The following KLHL1 variants were observed in gnomAD, a reference collection of about 807,000 sequenced individuals.
The protein encoded by KLHL1 is kelch like family member 1.
In KLHL1, 47 loss-of-function variants were observed where a neutral mutation model predicts 77.7. The observed-to-expected ratio is 0.60, with a 90% CI of 0.48 to 0.77. KLHL1 has a LOEUF of 0.77. Among genes scored for constraint, KLHL1 ranks in the 30% least tolerant of loss-of-function variants. KLHL1 has a pLI of 0.00. For synonymous variants in KLHL1, 360 were observed against 325.2 expected, an observed-to-expected ratio of 1.11 and a Z score of -1.15; for missense variants, 925 against 910.8, an observed-to-expected ratio of 1.02 and a Z score of -0.20.
At chr13:69,865,964 T>C (rs1880351933) in intron 5 of KLHL1, among the ~76,000 whole-genome samples, 1 of 152,156 alleles carries the variant, frequency 6.6e-6, no homozygotes, top group Non-Finnish European at 1.5e-5. Context: ...GAATGTATAT[T>C]GCCATGAGGT....
intron 5 of KLHL1, among the ~76,000 whole-genome samples, chr13:69,850,531 T>C (rs1879644501): frequency 6.6e-6 from 1 of 151,516 alleles, no homozygotes; most frequent in African/African-American, 2.4e-5. Flanking sequence ...TGAAACTGTC[T>C]ACGACCCTTC....
chr13:70,020,493 G>A (rs1885761384), intron 1 of KLHL1, among the ~76,000 whole-genome samples: 1 of 152,078 alleles, frequency 6.6e-6, no homozygotes, highest in Non-Finnish European at 1.5e-5. Context: ...CATGTTAGGA[G>A]TTAAGCATTT....
At chr13:69,744,943 T>G (rs1874143122) in intron 7 of KLHL1, among the ~76,000 whole-genome samples, 1 of 152,074 alleles carries the variant, frequency 6.6e-6, no homozygotes, top group Non-Finnish European at 1.5e-5. Flanking sequence ...TACACTTTCT[T>G]GATGTACATA....
At chr13:69,793,891 G>C (rs1876983880) in intron 7 of KLHL1, among the ~76,000 whole-genome samples, 1 of 152,082 alleles carries the variant, frequency 6.6e-6, no homozygotes, top group South Asian at 2.1e-4. Context: ...AGGAAAACTT[G>C]ATATGTTCTT....
intron 6 of KLHL1, among the ~76,000 whole-genome samples, chr13:69,815,887 A>G (rs2138070101): frequency 6.6e-6 from 1 of 152,226 alleles, no homozygotes; most frequent in East Asian, 1.9e-4. Context: ...ATCTACATCA[A>G]AAATATACAA....
intron 1 of KLHL1, among the ~76,000 whole-genome samples, chr13:70,025,864 G>A (rs1366607482): frequency 6.6e-6 from 1 of 151,948 alleles, no homozygotes; most frequent in Non-Finnish European, 1.5e-5. Context: ...TGACTGCTCA[G>A]CTGTTAAAAT....
intron 6 of KLHL1, among the ~76,000 whole-genome samples, chr13:69,813,007 A>G (rs1391741763): frequency 6.7e-6 from 1 of 149,922 alleles, no homozygotes; most frequent in Non-Finnish European, 1.5e-5. Context: ...TCATGCTGCT[A>G]TAAAGATACA....
At chr13:69,782,750 C>T (rs1308939714) in intron 7 of KLHL1, among the ~76,000 whole-genome samples, 1 of 152,188 alleles carries the variant, frequency 6.6e-6, no homozygotes, top group Non-Finnish European at 1.5e-5. Flanking sequence ...CACAGACAAA[C>T]AAAAAGACAG....
At chr13:69,719,908 T>C (rs1169013603) in intron 8 of KLHL1, among the ~76,000 whole-genome samples, 1 of 152,014 alleles carries the variant, frequency 6.6e-6, no homozygotes, top group Admixed American at 6.6e-5. Context: ...AAGAAATGGC[T>C]ATTAAAATAC....
intron 7 of KLHL1, among the ~76,000 whole-genome samples, chr13:69,771,822 A>T (rs943289664): frequency 1.3e-5 from 2 of 152,200 alleles, no homozygotes; most frequent in Non-Finnish European, 2.9e-5. Flanking sequence ...CTCTGAAAAA[A>T]TGGTCAAATT....
intron 7 of KLHL1, among the ~76,000 whole-genome samples, chr13:69,771,351 A>C (rs114865322): frequency 0.016 from 2,359 of 151,958 alleles, 60 homozygotes; most frequent in African/African-American, 0.055. Flanking sequence ...ATTATATTTA[A>C]AGTTGGCTTA....
At chr13:70,036,835 C>CTTTTTTTT (rs5804467) in intron 1 of KLHL1, among the ~76,000 whole-genome samples, 2 of 50,678 alleles carry the variant, frequency 3.9e-5, no homozygotes, top group Admixed American at 2.6e-4. Flanking sequence ...ATGCCATGGT[C>CTTTTTTTT]TTTTTTTTTT....
At chr13:70,078,396 T>C (rs958943457) in intron 1 of KLHL1, among the ~76,000 whole-genome samples, 2 of 152,106 alleles carry the variant, frequency 1.3e-5, no homozygotes, top group African/African-American at 4.8e-5. Context: ...AATACCCCAT[T>C]AGTTTTTTAA....
chr13:70,042,699 A>G (rs971140134), intron 1 of KLHL1, among the ~76,000 whole-genome samples: 2 of 152,186 alleles, frequency 1.3e-5, no homozygotes, highest in African/African-American at 4.8e-5. Flanking sequence ...TATAATTTTT[A>G]TTATTCTTTG....
intron 1 of KLHL1, among the ~76,000 whole-genome samples, chr13:70,073,624 C>A (rs1340297441): frequency 1.3e-5 from 2 of 151,488 alleles, no homozygotes; most frequent in Non-Finnish European, 2.9e-5. Flanking sequence ...AAAAATTCTT[C>A]TAAAAACCCG....
chr13:69,923,720 G>A, intron 4 of KLHL1, among the ~76,000 whole-genome samples: 1 of 152,200 alleles, frequency 6.6e-6, no homozygotes, highest in East Asian at 1.9e-4. Flanking sequence ...TCCATCTAGA[G>A]CAGCTGCTGC....
chr13:70,034,834 G>C (rs1886199425), intron 1 of KLHL1, among the ~76,000 whole-genome samples: 1 of 151,956 alleles, frequency 6.6e-6, no homozygotes, highest in Non-Finnish European at 1.5e-5. Flanking sequence ...TTGACTTATT[G>C]AAATTAAATC....
At chr13:69,972,580 C>T (rs1593638937) in intron 2 of KLHL1, among the ~76,000 whole-genome samples, 3 of 151,804 alleles carry the variant, frequency 2.0e-5, no homozygotes, top group Non-Finnish European at 2.9e-5. Context: ...CCCTATCTCA[C>T]AGGAATAAGA....
chr13:69,939,129 A>G (rs1368421474), intron 4 of KLHL1, among the ~76,000 whole-genome samples: 2 of 151,168 alleles, frequency 1.3e-5, no homozygotes, highest in Admixed American at 1.3e-4. Context: ...CCAGGCACCC[A>G]TGCTATTAAA....
Sources: allele counts gnomAD v4.1 joint callset (sites outside exome capture counted in the v4.1 genomes callset), GRCh38; gene constraint gnomAD v4.1.1; transcripts MANE v1.5; gene names NCBI Gene and HGNC (gene_info 2026-07-23, HGNC 2026-07-21).